Variants in CSMD1 observed in about 807,000 individuals in gnomAD.
CSMD1 encodes CUB and Sushi multiple domains 1.
In CSMD1, 213 loss-of-function variants were observed where a neutral mutation model predicts 417.5. That is an observed-to-expected ratio of 0.51 (90% CI 0.46 to 0.57). CSMD1 has a LOEUF of 0.57. Among genes scored for constraint, CSMD1 ranks in the 20% least tolerant of loss-of-function variants. The pLI is 0.00. For synonymous variants in CSMD1, 2,862 were observed against 1,736.8 expected, an observed-to-expected ratio of 1.65 and a Z score of -16.11; for missense variants, 6,923 against 4,529.7, an observed-to-expected ratio of 1.53 and a Z score of -15.17.
intron 5 of CSMD1, among the ~76,000 whole-genome samples, chr8:3,990,545 C>A (rs1814664963): frequency 6.6e-6 from 1 of 152,174 alleles, no homozygotes; most frequent in South Asian, 2.1e-4. Context: ...TCCATAGCTA[C>A]CACCATTCAA....
chr8:3,671,319 G>C (rs999268201), intron 7 of CSMD1, among the ~76,000 whole-genome samples: 2 of 147,796 alleles, frequency 1.4e-5, no homozygotes, highest in Non-Finnish European at 3.0e-5. Flanking sequence ...GCTAACATTA[G>C]TTATGTGGAA....
chr8:3,887,128 T>A (rs1806620583), intron 5 of CSMD1, among the ~76,000 whole-genome samples: 1 of 152,070 alleles, frequency 6.6e-6, no homozygotes, highest in African/African-American at 2.4e-5. Flanking sequence ...ACCAAAACTC[T>A]ATTGTGTGGG....
At chr8:4,826,537 G>A (rs1162341738) in intron 1 of CSMD1, among the ~76,000 whole-genome samples, 4 of 151,984 alleles carry the variant, frequency 2.6e-5, no homozygotes, top group African/African-American at 7.3e-5. Context: ...ATTTTGTTAC[G>A]TGTCTATAAT....
chr8:4,810,949 T>C (rs1166019768), intron 1 of CSMD1, among the ~76,000 whole-genome samples: 1 of 152,172 alleles, frequency 6.6e-6, no homozygotes, highest in Non-Finnish European at 1.5e-5. Flanking sequence ...TGGCATAAAA[T>C]AGTGATGATA....
At chr8:3,243,857 T>C (rs1799708065) in intron 26 of CSMD1, among the ~76,000 whole-genome samples, 1 of 152,054 alleles carries the variant, frequency 6.6e-6, no homozygotes, top group African/African-American at 2.4e-5. Context: ...TATTTTCCTT[T>C]TTTGCTAAAA....
chr8:4,825,328 G>A (rs1335641273), intron 1 of CSMD1, among the ~76,000 whole-genome samples: 1 of 152,046 alleles, frequency 6.6e-6, no homozygotes, highest in East Asian at 1.9e-4. Context: ...ATCCTGCACA[G>A]ATATTTTCTT....
intron 26 of CSMD1, among the ~76,000 whole-genome samples, chr8:3,268,444 A>T (rs138056192): frequency 6.6e-6 from 1 of 151,300 alleles, no homozygotes; most frequent in South Asian, 2.1e-4. Flanking sequence ...GCCCGCCACC[A>T]CGCCCAGCTG....
chr8:4,293,695 G>C (rs911650742), intron 3 of CSMD1, among the ~76,000 whole-genome samples: 4 of 152,074 alleles, frequency 2.6e-5, no homozygotes, highest in Non-Finnish European at 4.4e-5. Flanking sequence ...TCATTACTTA[G>C]AATTGCATTC....
At chr8:4,947,787 A>G (rs368603972) in intron 1 of CSMD1, among the ~76,000 whole-genome samples, 1 of 152,110 alleles carries the variant, frequency 6.6e-6, no homozygotes, top group Non-Finnish European at 1.5e-5. Context: ...ATTTTTTCAA[A>G]CAAAAATATG....
chr8:4,984,053 G>C (rs191006601), intron 1 of CSMD1, among the ~76,000 whole-genome samples: 2 of 152,284 alleles, frequency 1.3e-5, no homozygotes, highest in East Asian at 1.9e-4. Context: ...GTTTGGGAGA[G>C]AGATGCTGTA....
intron 18 of CSMD1, chr8:3,375,310 T>C (rs920019302): frequency 1.2e-4 from 18 of 152,316 alleles, no homozygotes; most frequent in African/African-American, 4.3e-4. Context: ...GTCTTATCAA[T>C]TGCCTAGCCT....
intron 2 of CSMD1, among the ~76,000 whole-genome samples, chr8:4,556,930 G>T (rs1397068757): frequency 1.3e-5 from 2 of 152,198 alleles, no homozygotes; most frequent in Non-Finnish European, 2.9e-5. Flanking sequence ...CAGCATTTCA[G>T]ATAAGTGATA....
chr8:4,018,571 C>T (rs1276287827), intron 4 of CSMD1, among the ~76,000 whole-genome samples: 1 of 152,222 alleles, frequency 6.6e-6, no homozygotes, highest in Non-Finnish European at 1.5e-5. Flanking sequence ...AAAAGCAGAG[C>T]CTCTCCAGGC....
chr8:3,771,074 T>G (rs1798544816), intron 5 of CSMD1, among the ~76,000 whole-genome samples: 1 of 151,932 alleles, frequency 6.6e-6, no homozygotes, highest in African/African-American at 2.4e-5. Context: ...TGGTGGACAA[T>G]AGTCTTGGGG....
At chr8:3,772,092 T>C (rs1798603165) in intron 5 of CSMD1, among the ~76,000 whole-genome samples, 1 of 150,514 alleles carries the variant, frequency 6.6e-6, no homozygotes, top group Non-Finnish European at 1.5e-5. Context: ...CGGTTGATAT[T>C]AGGGTGATTT....
chr8:4,130,032 G>C (rs919191778), intron 3 of CSMD1, among the ~76,000 whole-genome samples: 1 of 152,128 alleles, frequency 6.6e-6, no homozygotes, highest in South Asian at 2.1e-4. Context: ...GATTTTTATG[G>C]CAGTCTGCTT....
chr8:3,774,955 A>G (rs1391744242), intron 5 of CSMD1, among the ~76,000 whole-genome samples: 1 of 152,092 alleles, frequency 6.6e-6, no homozygotes, highest in Non-Finnish European at 1.5e-5. Flanking sequence ...GGAAACAGGT[A>G]GCATATACAC....
At chr8:3,222,216 GA>G (rs1253528855) in intron 28 of CSMD1, among the ~76,000 whole-genome samples, 1 of 152,056 alleles carries the variant, frequency 6.6e-6, no homozygotes, top group Non-Finnish European at 1.5e-5. Flanking sequence ...AAAACGCAGT[GA>G]AAAAACCCTT....
chr8:4,200,010 C>G (rs376839295), intron 3 of CSMD1, among the ~76,000 whole-genome samples: 1 of 152,128 alleles, frequency 6.6e-6, no homozygotes, highest in Admixed American at 6.5e-5. Flanking sequence ...GGGCCCTGGA[C>G]TTGTTGAAAA....
Sources: allele counts gnomAD v4.1 joint callset (sites outside exome capture counted in the v4.1 genomes callset), GRCh38; gene constraint gnomAD v4.1.1; transcripts MANE v1.5; gene names NCBI Gene and HGNC (gene_info 2026-07-23, HGNC 2026-07-21).